The following CAMTA1 variants were observed in gnomAD, a reference collection of about 807,000 sequenced individuals.
The protein encoded by CAMTA1 is calmodulin-binding transcription activator 1.
Under a neutral mutation model 170.9 loss-of-function variants are expected in CAMTA1, and 27 were observed. That is an observed-to-expected ratio of 0.16 (90% CI 0.12 to 0.22). The LOEUF (loss-of-function observed/expected upper bound fraction) is 0.22, where lower values mean the gene tolerates loss of function less well. Among genes scored for constraint, CAMTA1 ranks in the 10% least tolerant of loss-of-function variants. The probability of loss-of-function intolerance (pLI) is 1.00; values close to 1 mark genes in which losing one functional copy is unlikely to be tolerated. For missense variants in CAMTA1, 1,619 were observed against 2,217.2 expected, an observed-to-expected ratio of 0.73 and a Z score of 5.42; for synonymous variants, 833 against 891.5, an observed-to-expected ratio of 0.93 and a Z score of 1.17.
chr1:7,661,707 C>A lies in CAMTA1; in HGVS notation c.665-19C>A. On this transcript the variant is annotated intron_variant, in intron 7 of 22. Transcript: ENST00000303635. ...TGCACCCACGGGCTCTGACAGCCCC[C>A]CTGCCTCTCTCTTCACAGTCCATGG... is the stretch of plus-strand genomic sequence containing the variant. 3 of 1,613,832 alleles carry A rather than the reference C, an allele frequency of 1.9e-6. No individual in the cohort carries two copies. The highest frequency in any genetic ancestry group is 2.5e-6 in the Non-Finnish European group (3 of 1,179,864).
intron 9 of CAMTA1, among the ~76,000 whole-genome samples, chr1:7,669,123 G>A (rs527784582): frequency 2.6e-5 from 4 of 152,346 alleles, no homozygotes; most frequent in Middle Eastern, 3.4e-3. Flanking sequence ...ACTTGCCTGA[G>A]GACACACAGC....
chr1:7,126,769 T>C (rs59582090), intron 4 of CAMTA1, among the ~76,000 whole-genome samples: 5,034 of 152,184 alleles, frequency 0.033, 224 homozygotes, highest in African/African-American at 0.1. Flanking sequence ...AGGACTGCCA[T>C]TTCTTTTTTA....
intron 5 of CAMTA1, among the ~76,000 whole-genome samples, chr1:7,343,374 C>T (rs931108293): frequency 6.6e-6 from 1 of 152,144 alleles, no homozygotes; most frequent in Non-Finnish European, 1.5e-5. Flanking sequence ...GAGATCCCTA[C>T]CAGGGGCATC....
At chr1:7,622,935 G>C (rs910783161) in intron 6 of CAMTA1, among the ~76,000 whole-genome samples, 1 of 152,156 alleles carries the variant, frequency 6.6e-6, no homozygotes, top group African/African-American at 2.4e-5. Flanking sequence ...CTGTGAGCCC[G>C]AGTCTGTCCT....
intron 20 of CAMTA1, among the ~76,000 whole-genome samples, chr1:7,751,928 G>A (rs2096900677): frequency 6.6e-6 from 1 of 152,214 alleles, no homozygotes; most frequent in South Asian, 2.1e-4. Context: ...GGCTATTCTT[G>A]ACACAAATGG....
chr1:7,429,329 G>A (rs893306422), intron 5 of CAMTA1, among the ~76,000 whole-genome samples: 18 of 152,224 alleles, frequency 1.2e-4, no homozygotes, highest in East Asian at 9.6e-4. Context: ...GAAACTATTC[G>A]CATGGTGATG....
intron 5 of CAMTA1, among the ~76,000 whole-genome samples, chr1:7,450,562 C>T (rs572769648): frequency 8.5e-5 from 13 of 152,312 alleles, no homozygotes; most frequent in South Asian, 2.1e-4. Context: ...CACAGGTGCC[C>T]GGGGCTGCAG....
At chr1:6,853,064 A>G (rs1209955516) in intron 3 of CAMTA1, 1 of 152,238 alleles carries the variant, frequency 6.6e-6, no homozygotes, top group East Asian at 1.9e-4. Context: ...TCACAGAGTT[A>G]ATTACACCAG....
intron 3 of CAMTA1, among the ~76,000 whole-genome samples, chr1:7,043,221 G>C (rs1049379636): frequency 5.9e-5 from 9 of 152,162 alleles, no homozygotes; most frequent in Non-Finnish European, 1.5e-5. Context: ...TCAGAGGCAG[G>C]GGCCCTCCTC....
rs572251197 is a variant in CAMTA1, at chr1:6,842,035, G to A, written c.234+16825G>A. Among the ~76,000 whole-genome samples, 6 of 152,272 alleles carry A rather than the reference G, an allele frequency of 3.9e-5. No individual in the cohort carries two copies. The South Asian group carries it at 1.0e-3, about 26-fold the overall frequency. ...TGATCTTGCCCAGACTCAGCGCCAT[G>A]GTGGAGGGACATCTCCTTTCCTCTC... On this transcript the variant is annotated intron_variant, in intron 3 of 22. Transcript: ENST00000303635.
chr1:7,167,741 GTTAA>G (rs547455142), intron 4 of CAMTA1, among the ~76,000 whole-genome samples: 3 of 151,794 alleles, frequency 2.0e-5, no homozygotes, highest in South Asian at 2.1e-4. Flanking sequence ...AAATTAATTG[GTTAA>G]TTAATTAATT....
At chr1:7,521,331 A>C (rs2094362447) in intron 6 of CAMTA1, among the ~76,000 whole-genome samples, 2 of 152,284 alleles carry the variant, frequency 1.3e-5, no homozygotes, top group South Asian at 4.1e-4. Context: ...TAACACAGAG[A>C]GCTCCCAAGT....
intron 4 of CAMTA1, among the ~76,000 whole-genome samples, chr1:7,163,377 T>A (rs976005147): frequency 6.6e-6 from 1 of 151,210 alleles, no homozygotes; most frequent in Admixed American, 6.6e-5. Flanking sequence ...GATGTTGAGG[T>A]CATCCAGAAT....
intron 5 of CAMTA1, among the ~76,000 whole-genome samples, chr1:7,367,345 C>T (rs150405716): frequency 0.013 from 2,024 of 152,358 alleles, 27 homozygotes; most frequent in Non-Finnish European, 0.021. Flanking sequence ...AGACTGCCCC[C>T]GTCCCCAGCC....
intron 3 of CAMTA1, among the ~76,000 whole-genome samples, chr1:7,039,846 C>A (rs567448943): frequency 6.6e-6 from 1 of 152,140 alleles, no homozygotes; most frequent in South Asian, 2.1e-4. Flanking sequence ...AATTTACTTT[C>A]CTGGAAAGAT....
At chr1:6,959,060 C>T (rs1030895637) in intron 3 of CAMTA1, among the ~76,000 whole-genome samples, 1 of 152,186 alleles carries the variant, frequency 6.6e-6, no homozygotes, top group Non-Finnish European at 1.5e-5. Flanking sequence ...ATGCTGGTCT[C>T]TTGACCTTGA....
rs1390588738 is a variant in CAMTA1, at chr1:7,680,531, C to T, written c.2914+2798C>T. Among the ~76,000 whole-genome samples, 1 of 151,526 alleles carries T rather than the reference C, an allele frequency of 6.6e-6. No homozygotes were observed. Among genetic ancestry groups the T allele is most frequent in the Non-Finnish European group, 1.5e-5 (1 of 67,848 alleles). ...CGCGGAACTGCTGGCGGCGCCGCGC[C>T]CCGCGGGGTCTGGGGCCCCAGCAGG... is the stretch of plus-strand genomic sequence containing the variant. On this transcript the variant is annotated intron_variant, in intron 11 of 22. Transcript: ENST00000303635. The surrounding 1 kb of genome is among the most constrained non-coding windows in gnomAD (Gnocchi z 4.4).
intron 3 of CAMTA1, among the ~76,000 whole-genome samples, chr1:7,074,791 A>G (rs963501687): frequency 2.6e-5 from 4 of 152,240 alleles, no homozygotes; most frequent in African/African-American, 4.8e-5. Context: ...TCACATAGGA[A>G]CGATCATTAT....
chr1:7,285,823 C>T (rs1672269252), intron 5 of CAMTA1, among the ~76,000 whole-genome samples: 1 of 152,162 alleles, frequency 6.6e-6, no homozygotes, highest in African/African-American at 2.4e-5. Context: ...GATTAGGTGT[C>T]ACCTGTTTGG....
Sources: gnomAD v4.1 joint callset for allele counts (sites outside exome capture counted in the v4.1 genomes callset) on GRCh38, gnomAD v4.1.1 for gene constraint, Gnocchi (gnomAD v3.1) non-coding constraint, MANE v1.5 for transcripts, NCBI Gene and HGNC (gene_info 2026-07-23, HGNC 2026-07-21) for gene names.